The following PWP1 variants were observed in gnomAD, a reference collection of about 807,000 sequenced individuals.
The protein encoded by PWP1 is PWP1 homolog, endonuclein.
In PWP1, 47 loss-of-function variants were observed where a neutral mutation model predicts 69.9. The observed-to-expected ratio is 0.67, with a 90% confidence interval of 0.53 to 0.86. PWP1 has a LOEUF of 0.86. Ranked by LOEUF, PWP1 falls within the 40% of genes least tolerant of loss-of-function variation. The probability of loss-of-function intolerance (pLI) is 0.00; values close to 1 mark genes in which losing one functional copy is unlikely to be tolerated. For missense variants in PWP1, 551 were observed against 608.8 expected (o/e 0.91, Z 1.00); for synonymous variants, 222 against 208.2 (o/e 1.07, Z -0.57).
chr12:107,686,897 C>T (rs1889376796), intron 1 of PWP1, among the ~76,000 whole-genome samples: 1 of 133,866 alleles, frequency 7.5e-6, no homozygotes, highest in Non-Finnish European at 1.6e-5. Context: ...ACCCGGGAGG[C>T]GGAGCTTGCA....
At chr12:107,698,355 T>C (rs1210515389) in intron 7 of PWP1, among the ~76,000 whole-genome samples, 2 of 151,584 alleles carry the variant, frequency 1.3e-5, no homozygotes, top group Non-Finnish European at 2.9e-5. Flanking sequence ...AGACTCTGTC[T>C]CAAGGGAAAA....
chr12:107,704,858 A>C, intron 11 of PWP1, 111 bp downstream of exon 11: 1 of 870,938 alleles, frequency 1.1e-6, no homozygotes, highest in Non-Finnish European at 1.8e-6. Context: ...AGTATGAAGT[A>C]TTTGGGTTTA....
At chr12:107,702,524 G>A (rs1054644961) in intron 8 of PWP1, among the ~76,000 whole-genome samples, 25 of 151,892 alleles carry the variant, frequency 1.6e-4, no homozygotes, top group Admixed American at 1.3e-3. Context: ...AGTGATCCAC[G>A]TGCCTCAGCC....
intron 13 of PWP1, among the ~76,000 whole-genome samples, chr12:107,709,746 C>T (rs1889907106): frequency 6.6e-6 from 1 of 151,986 alleles, no homozygotes; most frequent in African/African-American, 2.4e-5. Context: ...ATAAGTTAGA[C>T]TGCAGACACA....
chr12:107,692,553 A>T, intron 3 of PWP1: 1 of 359,430 alleles, frequency 2.8e-6, no homozygotes, highest in Non-Finnish European at 5.0e-6. Context: ...ATTTTCTAAA[A>T]GGGTCTAATT....
At chr12:107,686,118 C>G in intron 1 of PWP1, 147 bp downstream of exon 1, 1 of 808,038 alleles carries the variant, frequency 1.2e-6, no homozygotes, top group Non-Finnish European at 2.0e-6. Context: ...ATTGTCGCGA[C>G]TAGAGCTGCA....
In PWP1 at chr12:107,703,104, G is replaced by A. The variant is rs561246047; in HGVS notation, c.903+73G>A. 8 of 1,062,984 alleles carry A rather than the reference G, an allele frequency of 7.5e-6. No homozygotes were observed. In the African/African-American group the frequency reaches 7.9e-5, roughly 10 times the overall value. The allele number at this position is 1,062,984 out of a possible 1,614,324, so 65.8% of individuals were successfully genotyped here. A position where few individuals can be genotyped will look rare whatever the true frequency, so the allele number is the denominator to read the frequency against. Reference sequence around the variant, plus strand: ...ATATTGGCTAAAAATAATCCCAAACGTTTATATATGGCTTTGAAAATAATT... The same window carrying A: ...ATATTGGCTAAAAATAATCCCAAACATTTATATATGGCTTTGAAAATAATT... On this transcript the variant is annotated intron_variant, in intron 9 of 14. Transcript: ENST00000412830.
At chr12:107,691,553 G>T (rs1375599140) in intron 3 of PWP1, among the ~76,000 whole-genome samples, 2 of 152,200 alleles carry the variant, frequency 1.3e-5, no homozygotes, top group Admixed American at 1.3e-4. Flanking sequence ...TGAGGGCCTG[G>T]CTTGGGGCAC....
At chr12:107,698,616 C>T (rs1889641256) in intron 7 of PWP1, among the ~76,000 whole-genome samples, 1 of 152,166 alleles carries the variant, frequency 6.6e-6, no homozygotes, top group Non-Finnish European at 1.5e-5. Flanking sequence ...TAAGGTCTTG[C>T]TCTGTCTCCC....
intron 11 of PWP1, 112 bp downstream of exon 11, chr12:107,704,859 T>G: frequency 1.1e-6 from 1 of 875,114 alleles, no homozygotes; most frequent in South Asian, 1.8e-5. Context: ...GTATGAAGTA[T>G]TTGGGTTTAG....
At chr12:107,701,059 T>C (rs1158374484) in intron 8 of PWP1, among the ~76,000 whole-genome samples, 1 of 152,236 alleles carries the variant, frequency 6.6e-6, no homozygotes, top group Non-Finnish European at 1.5e-5. Context: ...ATTAGTGATG[T>C]TGAGCATCTT....
At chr12:107,705,588 CA>C (rs1889806267) in intron 11 of PWP1, among the ~76,000 whole-genome samples, 1 of 144,790 alleles carries the variant, frequency 6.9e-6, no homozygotes, top group Non-Finnish European at 1.5e-5. Flanking sequence ...TCTCATTGTT[CA>C]ATTCCCACCT....
Position 107,688,674 on chromosome 12 carries a change from A to G in PWP1, c.191A>G (p.Gln64Arg). ...GGCAGTCCTTCAGAAGATGGCATGC[A>G]GAGTGCACGCACCCAGGCACGCCCA... ...ETGSPSEDGM[Q>R]SARTQARPRE... The change falls in exon 3 of 15, where the codon CAG becomes CGG. Residue 64 changes from glutamine to arginine, a missense_variant. Coordinates refer to ENST00000412830, the MANE Select transcript of PWP1 (RefSeq NM_007062.3). The G allele has an allele frequency of 1.2e-6, 2 of 1,614,252 alleles. No homozygotes were observed. Among genetic ancestry groups the G allele is most frequent in the Non-Finnish European group, 1.7e-6 (2 of 1,180,040 alleles).
At position 107,693,025 on chromosome 12, in the gene PWP1, T is replaced by C. The variant is rs1043872346; in HGVS notation, c.431T>C (p.Leu144Ser). The change falls in exon 5 of 15, where the codon TTG becomes TCG. Residue 144 changes from leucine (L) to serine (S), a missense_variant. Physicochemically the swap from Leu to Ser is moderately radical, Grantham distance 145. Coordinates refer to ENST00000412830, the MANE Select transcript of PWP1 (RefSeq NM_007062.3). ...DTEQYEREDF[L>S]IKPSDNLIVC... ...GAACAATATGAACGTGAAGATTTCT[T>C]GATTAAGCCCAGTGATAATCTTATA... is the stretch of plus-strand genomic sequence containing the variant. 1.2e-6 allele frequency: 2 copies of C among 1,614,188 alleles called. No homozygotes were observed. The highest frequency in any genetic ancestry group is 2.7e-5 in the African/African-American group (2 of 75,058).
chr12:107,701,607 T>C (rs1477867766), intron 8 of PWP1, among the ~76,000 whole-genome samples: 1 of 152,192 alleles, frequency 6.6e-6, no homozygotes, highest in Non-Finnish European at 1.5e-5. Flanking sequence ...GAGTTTTTTT[T>C]GTGTGTATGG....
At chr12:107,705,047 T>C (rs1405993454) in intron 11 of PWP1, among the ~76,000 whole-genome samples, 1 of 152,194 alleles carries the variant, frequency 6.6e-6, no homozygotes, top group East Asian at 1.9e-4. Flanking sequence ...TTAGTATTTT[T>C]TGTTTTTTTT....
chr12:107,697,426 CT>C (rs775318559), intron 6 of PWP1, 40 bp from the exon 7 acceptor site: 37 of 1,529,214 alleles, frequency 2.4e-5, no homozygotes, highest in Non-Finnish European at 2.8e-5. Flanking sequence ...TTCTGTATGT[CT>C]TTTTTTGTGT....
chr12:107,706,640 C>T lies in PWP1; in HGVS notation c.1077+1893C>T, dbSNP rs202018856. 3.0e-4 allele frequency among the ~76,000 whole-genome samples: 46 copies of T among 152,252 alleles called. 1 individual carries two copies. The highest frequency in any genetic ancestry group is 8.9e-4 in the African/African-American group (37 of 41,536). ...TATGGCTAGCCAGTTTTCCCAGCAC[C>T]ATTTATTAAATAGGGAATCCTTTCC... is the stretch of plus-strand genomic sequence containing the variant. On this transcript the variant is annotated intron_variant, in intron 11 of 14. Transcript: ENST00000412830.
At chr12:107,709,293 G>A (rs1889895706) in intron 13 of PWP1, 61 bp downstream of exon 13, 4 of 1,564,244 alleles carry the variant, frequency 2.6e-6, no homozygotes, top group African/African-American at 1.4e-5. Flanking sequence ...GTCTTTTTCT[G>A]GAACTTGTGT....
Sources: allele counts gnomAD v4.1 joint callset (sites outside exome capture counted in the v4.1 genomes callset), GRCh38; gene constraint gnomAD v4.1.1; transcripts MANE v1.5; gene names NCBI Gene and HGNC (gene_info 2026-07-23, HGNC 2026-07-21).